RBM17: variants seen among roughly 807,000 people sequenced by gnomAD.
RBM17 encodes splicing factor 45.
In RBM17, 7 loss-of-function variants were observed where a neutral mutation model predicts 53.2. The observed-to-expected ratio is 0.13, with a 90% confidence interval of 0.07 to 0.25. RBM17 has a LOEUF of 0.25. RBM17 is among the 10% of genes least tolerant of loss of function. The pLI is 1.00. For synonymous variants in RBM17, 167 were observed against 178.1 expected (o/e 0.94, Z 0.50); for missense variants, 257 against 496.7 (o/e 0.52, Z 4.59).
intron 5 of RBM17, 131 bp downstream of exon 5, chr10:6,106,369 C>T (rs958849990): frequency 4.8e-6 from 3 of 631,290 alleles, no homozygotes; most frequent in African/African-American, 3.7e-5. Context: ...TCTGGAATCC[C>T]AGCAATACAC....
chr10:6,113,883 T>C (rs1395437513), intron 9 of RBM17, 166 bp from the exon 10 acceptor site: 1 of 603,998 alleles, frequency 1.7e-6, no homozygotes, highest in Non-Finnish European at 3.0e-6. Context: ...ATATATGTTT[T>C]AGTGTTTTAA....
rs71390125 is a variant in RBM17, at chr10:6,115,872, TA to T, written c.*338del. The T allele has an allele frequency of 2.5e-3, 340 of 137,408 alleles. 2 individuals are homozygous for T. Among genetic ancestry groups the T allele is most frequent in the South Asian group, 7.9e-3 (33 of 4,200 alleles). The allele number at this position is 137,408 out of a possible 1,614,324, so 8.5% of individuals were successfully genotyped here. ...TTCAATGATGCAGCATTTCTTGCAC[TA>T]AAAAAAAAAAAAAAAAAAAAACTAG... On this transcript the variant is annotated 3_prime_UTR_variant, in exon 12 of 12. Transcript: ENST00000379888.
At position 6,109,495 on chromosome 10, in the gene RBM17, G is replaced by A. The variant is rs139932714; in HGVS notation, c.563-491G>A. ...GCTCAGGCATCTGGATGGTCTTAAAGCGTCCTACTGACTTTCATCTAACTA... is the reference window on the plus strand; with the variant it reads ...GCTCAGGCATCTGGATGGTCTTAAAACGTCCTACTGACTTTCATCTAACTA... On this transcript the variant is annotated intron_variant, in intron 6 of 11. Coordinates refer to ENST00000379888, the MANE Select transcript of RBM17 (RefSeq NM_032905.5). 1.1e-4 allele frequency among the ~76,000 whole-genome samples: 16 copies of A among 152,282 alleles called. No homozygotes were observed. The East Asian group carries it at 1.7e-3, about 17-fold the overall frequency.
At chr10:6,111,863 T>C (rs1409927504) in intron 7 of RBM17, among the ~76,000 whole-genome samples, 2 of 152,214 alleles carry the variant, frequency 1.3e-5, no homozygotes, top group Non-Finnish European at 2.9e-5. Context: ...ATAGCCACTT[T>C]TTAATAAACT....
At chr10:6,109,054 C>T (rs951270028) in intron 6 of RBM17, among the ~76,000 whole-genome samples, 4 of 150,942 alleles carry the variant, frequency 2.7e-5, no homozygotes, top group African/African-American at 9.6e-5. Context: ...AACAGCAGAT[C>T]GTTACAGTTT....
chr10:6,101,412 T>C (rs375494438), intron 3 of RBM17, 25 bp downstream of exon 3: 102 of 1,433,648 alleles, frequency 7.1e-5, no homozygotes, highest in Non-Finnish European at 9.7e-5. Context: ...GCCTGTGAGC[T>C]TGATACGTGT....
Position 6,108,754 on chromosome 10 carries a change from T to G in RBM17, c.562+12T>G, listed in dbSNP as rs1381915367. 6.2e-7 allele frequency: 1 copy of G among 1,601,618 alleles called. No homozygotes were observed. Reference sequence around the variant, plus strand: ...GAAAGACAAAGAGTGTAAGTAGATCTGTTTCTTCCTCTTTTATTCTGATAC... The same window carrying G: ...GAAAGACAAAGAGTGTAAGTAGATCGGTTTCTTCCTCTTTTATTCTGATAC... On this transcript the variant is annotated intron_variant, in intron 6 of 11. Transcript: ENST00000379888.
intron 3 of RBM17, among the ~76,000 whole-genome samples, chr10:6,101,718 G>A (rs1009293417): frequency 2.0e-5 from 3 of 151,304 alleles, no homozygotes; most frequent in South Asian, 2.1e-4. Context: ...TACTTAATAC[G>A]TTGTGACTCT....
At chr10:6,091,887 T>G (rs1394850052) in intron 1 of RBM17, among the ~76,000 whole-genome samples, 1 of 152,054 alleles carries the variant, frequency 6.6e-6, no homozygotes, top group Admixed American at 6.5e-5. Context: ...CAATAGTCAC[T>G]AAAGGCTTCT....
chr10:6,102,950 C>T (rs1011013108), intron 3 of RBM17, among the ~76,000 whole-genome samples: 3 of 152,150 alleles, frequency 2.0e-5, no homozygotes, highest in African/African-American at 4.8e-5. Context: ...CAGGCATATG[C>T]CACCACATTT....
intron 1 of RBM17, among the ~76,000 whole-genome samples, chr10:6,093,904 T>G (rs1840527767): frequency 1.3e-5 from 2 of 152,198 alleles, no homozygotes; most frequent in African/African-American, 2.4e-5. Flanking sequence ...TTAATAATTT[T>G]ATGCATGCAA....
At chr10:6,107,114 G>C (rs1301838013) in intron 5 of RBM17, among the ~76,000 whole-genome samples, 17 of 152,208 alleles carry the variant, frequency 1.1e-4, no homozygotes, top group Non-Finnish European at 7.3e-5. Flanking sequence ...ATATCATCCA[G>C]TCCTGTTAAT....
At chr10:6,095,108 T>A (rs1232419531) in intron 1 of RBM17, among the ~76,000 whole-genome samples, 1 of 152,224 alleles carries the variant, frequency 6.6e-6, no homozygotes, top group African/African-American at 2.4e-5. Context: ...CCTCAGTGCT[T>A]CAGGCCTGTC....
intron 5 of RBM17, among the ~76,000 whole-genome samples, chr10:6,108,323 TA>T (rs1408933910): frequency 6.6e-6 from 1 of 152,202 alleles, no homozygotes; most frequent in African/African-American, 2.4e-5. Context: ...GCCATGTGTA[TA>T]AAGGGCCTAA....
chr10:6,093,456 T>C (rs940054239), intron 1 of RBM17, among the ~76,000 whole-genome samples: 9 of 152,190 alleles, frequency 5.9e-5, no homozygotes, highest in African/African-American at 2.2e-4. Context: ...TGACCTCAAG[T>C]GATCCGCCCG....
intron 2 of RBM17, among the ~76,000 whole-genome samples, chr10:6,098,738 C>T (rs142012323): frequency 3.2e-4 from 48 of 152,138 alleles, no homozygotes; most frequent in African/African-American, 1.1e-3. Flanking sequence ...ACTGCGCCTG[C>T]GGTGTTTCAC....
chr10:6,096,892 C>T, intron 1 of RBM17, 156 bp from the exon 2 acceptor site: 1 of 535,432 alleles, frequency 1.9e-6, no homozygotes, highest in East Asian at 3.3e-5. Context: ...CTTCATGTAT[C>T]AGGAATAGCC....
At position 6,106,253 on chromosome 10, in the gene RBM17, A is replaced by G. The variant is rs568909815; in HGVS notation, c.505+15A>G. The G allele has an allele frequency of 4.0e-6, 6 of 1,518,350 alleles. No homozygotes were observed. Among genetic ancestry groups the G allele is most frequent in the South Asian group, 2.3e-5 (2 of 88,606 alleles). The allele number at this position is 1,518,350 out of a possible 1,614,324, so 94.1% of individuals were successfully genotyped here. ...GAGGAAAAGAAGTAAGGCATGAACA[A>G]ATATGTCTTAAACATATATAAATAC... On this transcript the variant is annotated intron_variant, in intron 5 of 11. Transcript: ENST00000379888.
chr10:6,112,414 A>G lies in RBM17; in HGVS notation c.856+53A>G. 6.3e-7 allele frequency: 1 copy of G among 1,599,840 alleles called. No individual in the cohort carries two copies. Among genetic ancestry groups the G allele is most frequent in the Non-Finnish European group, 8.6e-7 (1 of 1,169,256 alleles). ...GAGGGAAAGGACTGGCCCCATCCAT[A>G]TCAGACATGGCCAGTCTTGATCCTC... On this transcript the variant is annotated intron_variant, in intron 8 of 11. Transcript: ENST00000379888. The surrounding 1 kb of genome is among the most constrained non-coding windows in gnomAD (Gnocchi z 4.4).
Sources: gnomAD v4.1 joint callset for allele counts (sites outside exome capture counted in the v4.1 genomes callset) on GRCh38, gnomAD v4.1.1 for gene constraint, Gnocchi (gnomAD v3.1) non-coding constraint, MANE v1.5 for transcripts, NCBI Gene and HGNC (gene_info 2026-07-23, HGNC 2026-07-21) for gene names.